Variants in ABCB4 observed in about 807,000 individuals in gnomAD.
ABCB4 encodes the protein phosphatidylcholine translocator ABCB4.
In ABCB4, 76 loss-of-function variants were observed where a neutral mutation model predicts 145.7. The observed-to-expected ratio is 0.52, with a 90% CI of 0.43 to 0.63. ABCB4 has a LOEUF of 0.63. ABCB4 is among the 30% of genes least tolerant of loss of function. The probability of loss-of-function intolerance (pLI) is 0.00; values close to 1 mark genes in which losing one functional copy is unlikely to be tolerated. For missense variants in ABCB4, 1,234 were observed against 1,553.1 expected (o/e 0.79, Z 3.45); for synonymous variants, 517 against 566.8 (o/e 0.91, Z 1.25).
chr7:87,414,675 C>CT lies in ABCB4; in HGVS notation c.2683-959dup, dbSNP rs937123072. ...TTTTAGGTTTTTAACAGCTTTAAGA[C>CT]TTTTTTTTTTACCTCAGTTCTTAGC... On this transcript the variant is annotated intron_variant, in intron 21 of 27. Transcript: ENST00000649586. Among the ~76,000 whole-genome samples the CT allele has an allele frequency of 6.6e-3, 985 of 148,708 alleles. 3 individuals carry two copies. Among genetic ancestry groups the CT allele is most frequent in the African/African-American group, 0.014 (564 of 40,664 alleles).
At chr7:87,442,894 C>T (rs1208124508) in intron 12 of ABCB4, among the ~76,000 whole-genome samples, 1 of 152,130 alleles carries the variant, frequency 6.6e-6, no homozygotes, top group Admixed American at 6.6e-5. Flanking sequence ...CTTAGATATT[C>T]CTAAGTTTAA....
chr7:87,464,456 T>C (rs1328786296), intron 3 of ABCB4, among the ~76,000 whole-genome samples: 1 of 152,240 alleles, frequency 6.6e-6, no homozygotes, highest in Non-Finnish European at 1.5e-5. Flanking sequence ...TTAGTGGTTC[T>C]GGGAAAAGGA....
At position 87,436,753 on chromosome 7, in the gene ABCB4, G is replaced by A. The variant is rs1345445608; in HGVS notation, c.1731+2914C>T. ...CCCTGGAGTAGTGGGGTAATTGGCTGCATGTCAGAATTGCTATGGCCAAGG... is the reference window on the plus strand; with the variant it reads ...CCCTGGAGTAGTGGGGTAATTGGCTACATGTCAGAATTGCTATGGCCAAGG... On this transcript the variant is annotated intron_variant, in intron 14 of 27. Coordinates refer to ENST00000649586, the MANE Select transcript of ABCB4 (RefSeq NM_000443.4). Among the ~76,000 whole-genome samples, 3 of 152,186 alleles carry A rather than the reference G, an allele frequency of 2.0e-5. No homozygotes were observed. In the East Asian group the frequency reaches 5.8e-4, roughly 29 times the overall value.
At chr7:87,458,987 TA>T (rs77823347) in intron 4 of ABCB4, among the ~76,000 whole-genome samples, 525 of 120,606 alleles carry the variant, frequency 4.4e-3, no homozygotes, top group Middle Eastern at 9.4e-3. Flanking sequence ...AGGCACAAGT[TA>T]AAAAAAAAAA....
the ABCB4 span, among the ~76,000 whole-genome samples, chr7:87,372,007 C>CA: frequency 0.014 from 1,731 of 123,940 alleles, 24 homozygotes; most frequent in African/African-American, 0.046. Context: ...AAAAAAAAAA[C>CA]AAAAAAAAAA....
the ABCB4 span, chr7:87,375,480 T>C: frequency 1.8e-6 from 1 of 565,728 alleles, no homozygotes; most frequent in Non-Finnish European, 3.1e-6. Context: ...TAAAAAAATA[T>C]GTGATGTAGG....
At chr7:87,396,744 A>G (rs1292376575), downstream of ABCB4, among the ~76,000 whole-genome samples, 1 of 152,112 alleles carries the variant, frequency 6.6e-6, no homozygotes, top group African/African-American at 2.4e-5. Flanking sequence ...AGTTATCTAC[A>G]TTTCCATTAC....
At chr7:87,420,620 A>T (rs2116497345) in intron 18 of ABCB4, among the ~76,000 whole-genome samples, 1 of 152,344 alleles carries the variant, frequency 6.6e-6, no homozygotes, top group South Asian at 2.1e-4. Context: ...TAGTATTCTG[A>T]CACAGGTGCC....
intron 4 of ABCB4, among the ~76,000 whole-genome samples, chr7:87,459,572 G>T (rs527562638): frequency 9.2e-5 from 14 of 151,974 alleles, no homozygotes; most frequent in African/African-American, 3.4e-4. Flanking sequence ...ACCCTGTGTA[G>T]AAGCCATTTA....
At chr7:87,385,009 C>T in the ABCB4 span, among the ~76,000 whole-genome samples, 25 of 151,766 alleles carry the variant, frequency 1.6e-4, no homozygotes, top group Admixed American at 1.5e-3. Flanking sequence ...TGTAAATACA[C>T]GGATTTATTT....
At chr7:87,423,871 T>G (rs369555159) in intron 17 of ABCB4, 35 bp downstream of exon 17, 11 of 1,613,422 alleles carry the variant, frequency 6.8e-6, no homozygotes, top group Non-Finnish European at 9.3e-6. Context: ...TGAATTGATC[T>G]AATTCAGGCT....
At position 87,424,032 on chromosome 7, in the gene ABCB4, C is replaced by G; in HGVS notation, c.2085G>C (p.Val695=). The change falls in exon 17 of 28, where the codon GTG becomes GTC. Residue 695 remains valine, a synonymous_variant. Coordinates refer to ENST00000649586, the MANE Select transcript of ABCB4 (RefSeq NM_000443.4). ...TCAGTTTCAGGACCTTCAGAAAGGACACTGGTGGCACATTTGCTTCCTAGA... is the reference window on the plus strand; with the variant it reads ...TCAGTTTCAGGACCTTCAGAAAGGAGACTGGTGGCACATTTGCTTCCTAGA... ...TDGLEANVPP[V]SFLKVLKLNK... is the part of the protein sequence containing the mutation. 6.2e-7 allele frequency: 1 copy of G among 1,614,016 alleles called. No individual in the cohort carries two copies. Among genetic ancestry groups the G allele is most frequent in the Non-Finnish European group, 8.5e-7 (1 of 1,179,952 alleles).
chr7:87,393,990 A>G, the ABCB4 span, among the ~76,000 whole-genome samples: 1 of 152,200 alleles, frequency 6.6e-6, no homozygotes, highest in Non-Finnish European at 1.5e-5. Flanking sequence ...ATACTAGTCT[A>G]TTTCATCATT....
chr7:87,461,769 C>G (rs1812475973), intron 4 of ABCB4, among the ~76,000 whole-genome samples: 1 of 152,054 alleles, frequency 6.6e-6, no homozygotes, highest in Non-Finnish European at 1.5e-5. Context: ...TAAACATATT[C>G]TGCTGTATTA....
intron 26 of ABCB4, chr7:87,405,997 A>T: frequency 2.1e-6 from 1 of 472,278 alleles, no homozygotes; most frequent in East Asian, 4.1e-5. Context: ...TAATTGTTTT[A>T]AAAGTACCAT....
intron 14 of ABCB4, among the ~76,000 whole-genome samples, chr7:87,432,631 C>A (rs1224070431): frequency 6.6e-6 from 1 of 152,136 alleles, no homozygotes; most frequent in Non-Finnish European, 1.5e-5. Context: ...CAAAAGATGA[C>A]ACATGGTATG....
intron 26 of ABCB4, 172 bp from the exon 27 acceptor site, chr7:87,403,453 A>T (rs183209822): frequency 1.6e-6 from 1 of 625,946 alleles, no homozygotes; most frequent in African/African-American, 1.8e-5. Context: ...TTAATTCTCA[A>T]TGGTATTCTA....
the ABCB4 span, among the ~76,000 whole-genome samples, chr7:87,367,151 C>T: frequency 6.6e-6 from 1 of 152,150 alleles, no homozygotes; most frequent in African/African-American, 2.4e-5. Context: ...GTCAGTTGAC[C>T]TTGAAATGGG....
At chr7:87,365,935 C>G in the ABCB4 span, among the ~76,000 whole-genome samples, 1 of 152,102 alleles carries the variant, frequency 6.6e-6, no homozygotes, top group East Asian at 1.9e-4. Flanking sequence ...TTACCTACCC[C>G]CTAGGAGACC....
Sources: gnomAD v4.1 joint callset for allele counts (sites outside exome capture counted in the v4.1 genomes callset) on GRCh38, gnomAD v4.1.1 for gene constraint, MANE v1.5 for transcripts, NCBI Gene and HGNC (gene_info 2026-07-23, HGNC 2026-07-21) for gene names.